Variants in SOD2 observed in about 807,000 individuals in gnomAD.
SOD2 encodes superoxide dismutase [Mn], mitochondrial.
In SOD2, 11 loss-of-function variants were observed where a neutral mutation model predicts 27.0. The ratio of observed to expected loss-of-function variants is 0.41; its 90% CI spans 0.26 to 0.67. The LOEUF (loss-of-function observed/expected upper bound fraction) is 0.67, where lower values mean the gene tolerates loss of function less well. SOD2 is among the 30% of genes least tolerant of loss of function. The pLI, the probability that SOD2 is intolerant of heterozygous loss-of-function variation, is 0.34. For synonymous variants in SOD2, 105 were observed against 103.0 expected (o/e 1.02, Z -0.12); for missense variants, 250 against 274.5 (o/e 0.91, Z 0.63).
At chr6:159,707,637 C>A (rs1352565919) in intron 1 of SOD2, among the ~76,000 whole-genome samples, 1 of 152,080 alleles carries the variant, frequency 6.6e-6, no homozygotes, top group Non-Finnish European at 1.5e-5. Context: ...AGCTTACCAA[C>A]CAAAAAAAGT....
At chr6:159,722,566 C>G (rs1158486918) in intron 1 of SOD2, among the ~76,000 whole-genome samples, 4 of 152,160 alleles carry the variant, frequency 2.6e-5, no homozygotes, top group African/African-American at 9.7e-5. Flanking sequence ...TATTTGCAAT[C>G]AATTGTATTC....
chr6:159,747,454 A>C (rs542562737), upstream of SOD2, among the ~76,000 whole-genome samples: 1 of 152,210 alleles, frequency 6.6e-6, no homozygotes, highest in Admixed American at 6.5e-5. Flanking sequence ...TTACAATTCT[A>C]TGATTCGGAT....
At chr6:159,707,811 C>CA (rs963938488) in intron 1 of SOD2, among the ~76,000 whole-genome samples, 52 of 151,532 alleles carry the variant, frequency 3.4e-4, no homozygotes, top group African/African-American at 9.7e-4. Flanking sequence ...AGAGACACAA[C>CA]AAAAAAAAGA....
In SOD2 at chr6:159,712,265, A is replaced by G. The variant is rs531540025; in HGVS notation, c.-116+14864T>C. 9.8e-4 allele frequency among the ~76,000 whole-genome samples: 138 copies of G among 141,180 alleles called. 1 individual carries two copies. Among genetic ancestry groups the G allele is most frequent in the African/African-American group, 3.4e-3 (131 of 38,086 alleles). 92.6% of individuals were successfully genotyped at this position (141,180 alleles called of 152,430 possible). A position where few individuals can be genotyped will look rare whatever the true frequency, so the allele number is the denominator to read the frequency against. ...TCTGATCACCCTAACCACCTCCATA[A>G]CCACCACTCACATTGCTCTGATCAC... On this transcript the variant is annotated intron_variant, in intron 1 of 2. Coordinates refer to the SOD2 transcript ENST00000401980.
intron 3 of SOD2, among the ~76,000 whole-genome samples, chr6:159,685,869 A>G (rs1780165964): frequency 1.3e-5 from 2 of 151,896 alleles, no homozygotes; most frequent in African/African-American, 2.4e-5. Flanking sequence ...TGTTAGAGGG[A>G]TTTCCCCACT....
At chr6:159,710,270 C>CATATATATATATATATATATAT (rs141490345) in intron 1 of SOD2, among the ~76,000 whole-genome samples, 11 of 143,488 alleles carry the variant, frequency 7.7e-5, no homozygotes, top group African/African-American at 2.9e-4. Context: ...AGTATAAATA[C>CATATATATATATATATATATAT]ATATATATAT....
upstream of SOD2, among the ~76,000 whole-genome samples, chr6:159,729,993 G>A (rs1278206517): frequency 6.6e-6 from 1 of 152,284 alleles, no homozygotes; most frequent in East Asian, 1.9e-4. Flanking sequence ...ATCAAGAGTA[G>A]ATGGTGGTCC....
upstream of SOD2, among the ~76,000 whole-genome samples, chr6:159,695,730 A>G (rs1317104984): frequency 6.6e-6 from 1 of 152,096 alleles, no homozygotes; most frequent in South Asian, 2.1e-4. Flanking sequence ...TCCTTGGCTC[A>G]AGTGATCCTC....
At position 159,669,657 on chromosome 6, in the gene SOD2, A is replaced by G. The variant is rs936695379; in HGVS notation, c.*12836T>C. The G allele has an allele frequency of 2.0e-5, 3 of 152,178 alleles. No individual in the cohort carries two copies. Among genetic ancestry groups the G allele is most frequent in the Non-Finnish European group, 4.4e-5 (3 of 68,034 alleles). The allele number at this position is 152,178 out of a possible 1,614,324, so 9.4% of individuals were successfully genotyped here. On this transcript the variant is annotated 3_prime_UTR_variant, in exon 5 of 5. Transcript: ENST00000538183. ...CCCATCTCTACAAAAAAATTTTCTT[A>G]ATAAAAAAATATGATTATATCTTGC...
intron 1 of SOD2, among the ~76,000 whole-genome samples, chr6:159,754,859 T>G (rs1420614040): frequency 6.6e-6 from 1 of 152,192 alleles, no homozygotes; most frequent in African/African-American, 2.4e-5. Context: ...CAAAACAAAC[T>G]CAGTCATATT....
rs1779709547 is a variant in SOD2 at position 159,673,371 on chromosome 6, TA to T, written c.*9121del. The stretch of plus-strand genomic sequence containing the variant: ...GAAGTAAAGCACTCCTCAGCAAATG[TA>T]AAAGAACAGAAATTATAACATACTG... On this transcript the variant is annotated 3_prime_UTR_variant, in exon 5 of 5. Transcript: ENST00000538183. 1 of 152,084 alleles carries T rather than the reference TA, an allele frequency of 6.6e-6. No individual in the cohort carries two copies. The highest frequency in any genetic ancestry group is 2.1e-4 in the South Asian group (1 of 4,820). 9.4% of individuals were successfully genotyped at this position (152,084 alleles called of 1,614,324 possible).
intron 1 of SOD2, chr6:159,760,538 TG>T (rs1780102279): frequency 6.6e-6 from 1 of 152,276 alleles, no homozygotes; most frequent in Admixed American, 6.5e-5. Context: ...CCCAAAGTGC[TG>T]GGATTACAGG....
At chr6:159,743,806 G>A (rs1460721031) in intron 1 of SOD2, 2 of 1,590,982 alleles carry the variant, frequency 1.3e-6, no homozygotes, top group Non-Finnish European at 1.7e-6. Context: ...AGTATTTCAA[G>A]TTATATAAAT....
exon 1 of SOD2, chr6:159,761,964 G>A (rs754282854): frequency 2.7e-6 from 3 of 1,126,120 alleles, no homozygotes; most frequent in South Asian, 2.6e-5. Context: ...GGTGGTGCGC[G>A]GGGAGGTGGA....
rs1362717248 is a variant in SOD2, at chr6:159,726,829, G to A, written c.-116+300C>T. On this transcript the variant is annotated intron_variant, in intron 1 of 2. Coordinates refer to the SOD2 transcript ENST00000401980. ...ACGACTGATGAGAGGGAAGGCATCG[G>A]TTTCTAAGTTCTCAAAACTTACAGG... The A allele has an allele frequency of 4.7e-6, 6 of 1,289,074 alleles. No individual in the cohort carries two copies. The African/African-American group carries it at 9.1e-5, about 20-fold the overall frequency. The allele number at this position is 1,289,074 out of a possible 1,614,324, so 79.9% of individuals were successfully genotyped here. A position where few individuals can be genotyped will look rare whatever the true frequency, so the allele number is the denominator to read the frequency against.
intron 1 of SOD2, among the ~76,000 whole-genome samples, chr6:159,700,939 T>A (rs1232146186): frequency 1.3e-5 from 2 of 152,168 alleles, no homozygotes; most frequent in Non-Finnish European, 2.9e-5. Flanking sequence ...GAACACAATG[T>A]AGGATCTCGG....
intron 1 of SOD2, among the ~76,000 whole-genome samples, chr6:159,714,220 C>G (rs565430604): frequency 1.3e-5 from 2 of 152,302 alleles, no homozygotes; most frequent in East Asian, 3.9e-4. Context: ...AATACAGGCC[C>G]TCACCTCCCT....
intron 1 of SOD2, among the ~76,000 whole-genome samples, chr6:159,756,471 C>T (rs1780013299): frequency 6.6e-6 from 1 of 151,834 alleles, no homozygotes; most frequent in South Asian, 2.1e-4. Flanking sequence ...TAATTTATGC[C>T]TTATTTTGCA....
rs369645996 is a variant in SOD2 at position 159,684,848 on chromosome 6, T to C, written c.523+6A>G. The C allele has an allele frequency of 1.2e-6, 2 of 1,603,834 alleles. No homozygotes were observed. Among genetic ancestry groups the C allele is most frequent in the African/African-American group, 2.7e-5 (2 of 74,496 alleles). On this transcript the variant is annotated splice_donor_region_variant and intron_variant, in intron 4 of 4. Transcript: ENST00000538183. ...CCCAAATGAAATCACAATTTTTAAA[T>C]CTAACCTGTTGTTCCTTGCAGTGGA...
Sources: gnomAD v4.1 joint callset for allele counts (sites outside exome capture counted in the v4.1 genomes callset) on GRCh38, gnomAD v4.1.1 for gene constraint, MANE v1.5 for transcripts, NCBI Gene and HGNC (gene_info 2026-07-23, HGNC 2026-07-21) for gene names.